CHL1: variants seen among roughly 807,000 people sequenced by gnomAD.
CHL1 encodes neural cell adhesion molecule L1-like protein.
In CHL1, 96 loss-of-function variants were observed where a neutral mutation model predicts 141.9. That is an observed-to-expected ratio of 0.68 (90% CI 0.57 to 0.80). CHL1 has a LOEUF of 0.80. CHL1 is among the 30% of genes least tolerant of loss of function. The probability of loss-of-function intolerance (pLI) is 0.00; values close to 1 mark genes in which losing one functional copy is unlikely to be tolerated. For missense variants in CHL1, 1,820 were observed against 1,457.2 expected (o/e 1.25, Z -4.05); for synonymous variants, 613 against 502.2 (o/e 1.22, Z -2.95).
rs1164323437 is a variant in CHL1 at position 406,383 on chromosome 3, C to G, written c.*672C>G. The G allele has an allele frequency of 3.0e-5, 4 of 134,682 alleles. No individual in the cohort carries two copies. Among genetic ancestry groups the G allele is most frequent in the African/African-American group, 1.1e-4 (4 of 36,602 alleles). 8.3% of individuals were successfully genotyped at this position (134,682 alleles called of 1,614,324 possible). On this transcript the variant is annotated 3_prime_UTR_variant, in exon 28 of 28. Coordinates refer to ENST00000256509, the MANE Select transcript of CHL1 (RefSeq NM_006614.4). ...TTCTGTCAGTTATGACATCCACAAG[C>G]ATCACTTTTTGTGTCTGTTTTTTTT...
At chr3:286,417 C>G (rs1435191080) in intron 2 of CHL1, among the ~76,000 whole-genome samples, 1 of 152,006 alleles carries the variant, frequency 6.6e-6, no homozygotes, top group African/African-American at 2.4e-5. Context: ...TCAAGACCAG[C>G]CTGGCCAACA....
At chr3:394,993 C>T (rs560438295) in intron 24 of CHL1, 121 bp downstream of exon 24, 4 of 828,466 alleles carry the variant, frequency 4.8e-6, no homozygotes, top group Non-Finnish European at 7.3e-6. Flanking sequence ...GATTGTGATC[C>T]CACTCTGTCT....
intron 3 of CHL1, among the ~76,000 whole-genome samples, chr3:323,262 T>G (rs1700739899): frequency 6.6e-6 from 1 of 152,094 alleles, no homozygotes; most frequent in Admixed American, 6.6e-5. Flanking sequence ...AAGAAAACAT[T>G]AGAATTGTGG....
chr3:360,387 T>C lies in CHL1; in HGVS notation c.1269T>C (p.His423=), dbSNP rs758293225. 443 of 1,613,770 alleles carry C rather than the reference T, an allele frequency of 2.7e-4. No individual in the cohort carries two copies. The highest frequency in any genetic ancestry group is 3.5e-4 in the Non-Finnish European group (415 of 1,179,846). ...ACCAGTGTGAAGCCTCAAATGTCCA[T>C]GGAACTATCCTTGCCAATGCCAATA... ...AVYQCEASNV[H]GTILANANID... is the part of the protein sequence containing the mutation. Residue 423 remains histidine (H), a synonymous_variant, in exon 12 of 28, where the codon CAT becomes CAC. Transcript: ENST00000256509.
intron 14 of CHL1, among the ~76,000 whole-genome samples, chr3:364,190 T>C (rs1388632489): frequency 6.6e-6 from 1 of 152,208 alleles, no homozygotes; most frequent in Non-Finnish European, 1.5e-5. Context: ...TCTTTTGCTG[T>C]ACATCCTTTT....
At chr3:312,927 G>C (rs1442176297) in intron 2 of CHL1, among the ~76,000 whole-genome samples, 1 of 152,160 alleles carries the variant, frequency 6.6e-6, no homozygotes, top group Non-Finnish European at 1.5e-5. Flanking sequence ...AAAAGTTGTT[G>C]ATCTATTTCA....
At chr3:399,793 C>T (rs577217941) in intron 26 of CHL1, among the ~76,000 whole-genome samples, 7 of 152,118 alleles carry the variant, frequency 4.6e-5, no homozygotes, top group African/African-American at 7.2e-5. Flanking sequence ...ATGTATAGCA[C>T]GCCTCTCTCT....
At chr3:209,897 G>A (rs1250175849) in intron 1 of CHL1, among the ~76,000 whole-genome samples, 5 of 152,210 alleles carry the variant, frequency 3.3e-5, no homozygotes, top group African/African-American at 1.2e-4. Context: ...TTGCCACAGA[G>A]TATACTTTTT....
intron 1 of CHL1, among the ~76,000 whole-genome samples, chr3:211,021 T>C (rs1431042496): frequency 1.3e-5 from 2 of 152,194 alleles, no homozygotes; most frequent in African/African-American, 4.8e-5. Flanking sequence ...TCTATTTAGG[T>C]TTATCCTTAC....
intron 2 of CHL1, among the ~76,000 whole-genome samples, chr3:297,602 G>T (rs9857751): frequency 0.015 from 2,295 of 152,180 alleles, 59 homozygotes; most frequent in African/African-American, 0.052. Flanking sequence ...TTCAAACACC[G>T]TGAAGAGAGA....
chr3:345,869 G>C (rs1702728989), intron 9 of CHL1, among the ~76,000 whole-genome samples: 1 of 152,140 alleles, frequency 6.6e-6, no homozygotes, highest in Non-Finnish European at 1.5e-5. Flanking sequence ...ATTAACTACT[G>C]TTAAGTACAT....
intron 15 of CHL1, among the ~76,000 whole-genome samples, chr3:377,330 G>A (rs535083291): frequency 6.6e-6 from 1 of 152,258 alleles, no homozygotes; most frequent in South Asian, 2.1e-4. Flanking sequence ...GTGGAGGGGC[G>A]GAGAAAAGAG....
At chr3:316,022 C>T (rs1050738276) in intron 2 of CHL1, among the ~76,000 whole-genome samples, 3 of 151,942 alleles carry the variant, frequency 2.0e-5, no homozygotes, top group South Asian at 2.1e-4. Context: ...CAGATTGGTT[C>T]GATCAGGTGT....
chr3:338,574 AG>A (rs1362260407), intron 5 of CHL1, among the ~76,000 whole-genome samples: 1 of 152,202 alleles, frequency 6.6e-6, no homozygotes, highest in African/African-American at 2.4e-5. Flanking sequence ...ATAGTTTCAG[AG>A]TCAAAGGATA....
chr3:365,853 A>G (rs1575176151), intron 14 of CHL1, 97 bp from the exon 15 acceptor site: 2 of 821,144 alleles, frequency 2.4e-6, no homozygotes, highest in South Asian at 1.7e-5. Flanking sequence ...AGGATTGGAC[A>G]GTTATGGTGA....
At chr3:224,151 T>C (rs1435884405) in intron 1 of CHL1, among the ~76,000 whole-genome samples, 2 of 152,150 alleles carry the variant, frequency 1.3e-5, no homozygotes. Context: ...GGCCTTTTAT[T>C]ACTTTTACAA....
intron 5 of CHL1, among the ~76,000 whole-genome samples, chr3:337,570 A>C (rs931791700): frequency 2.1e-5 from 3 of 145,300 alleles, no homozygotes; most frequent in Admixed American, 1.4e-4. Flanking sequence ...CCTATGTCCA[A>C]GTGTTCTCAT....
At chr3:314,581 C>T (rs1700023997) in intron 2 of CHL1, among the ~76,000 whole-genome samples, 1 of 151,722 alleles carries the variant, frequency 6.6e-6, no homozygotes, top group Non-Finnish European at 1.5e-5. Flanking sequence ...CATCTGTGTT[C>T]AGCTGACAGG....
At chr3:348,526 T>C (rs1702957609) in intron 9 of CHL1, among the ~76,000 whole-genome samples, 1 of 152,186 alleles carries the variant, frequency 6.6e-6, no homozygotes, top group Admixed American at 6.5e-5. Flanking sequence ...TCTGCACTTG[T>C]CTGCTTTTCA....
Sources: allele counts gnomAD v4.1 joint callset (sites outside exome capture counted in the v4.1 genomes callset), GRCh38; gene constraint gnomAD v4.1.1; transcripts MANE v1.5; gene names NCBI Gene and HGNC (gene_info 2026-07-23, HGNC 2026-07-21).